The following RAP1GAP variants were observed in gnomAD, a reference collection of about 807,000 sequenced individuals.
RAP1GAP encodes the protein rap1 GTPase-activating protein 1.
RAP1GAP carries 35 observed loss-of-function variants against 87.2 expected under a neutral mutation model. The ratio of observed to expected loss-of-function variants is 0.40; its 90% CI spans 0.31 to 0.53. The LOEUF (loss-of-function observed/expected upper bound fraction) is 0.53, where lower values mean the gene tolerates loss of function less well. Among genes scored for constraint, RAP1GAP ranks in the 20% least tolerant of loss-of-function variants. The pLI is 0.48. For missense variants in RAP1GAP, 734 were observed against 898.9 expected, an observed-to-expected ratio of 0.82 and a Z score of 2.35; for synonymous variants, 375 against 363.9, an observed-to-expected ratio of 1.03 and a Z score of -0.35.
In RAP1GAP at chr1:21,668,398, G is replaced by A. The variant is rs1300321139; in HGVS notation, c.-149+856C>T. ...GGGGACAGAGGCCAATGAGCCCTGA[G>A]AACAGTGGATGTTCTTCCTGACCCC... On this transcript the variant is annotated intron_variant, in intron 1 of 24. Transcript: ENST00000374765. This position sits in a 1 kb window ranked among gnomAD's most constrained non-coding sequence, Gnocchi z 6.2. 3 of 152,524 alleles carry A rather than the reference G, an allele frequency of 2.0e-5. No homozygotes were observed. Among genetic ancestry groups the A allele is most frequent in the Admixed American group, 2.0e-4 (3 of 15,294 alleles). The allele number at this position is 152,524 out of a possible 1,614,324, so 9.4% of individuals were successfully genotyped here. A position where few individuals can be genotyped will look rare whatever the true frequency, so the allele number is the denominator to read the frequency against.
intron 7 of RAP1GAP, among the ~76,000 whole-genome samples, chr1:21,614,324 G>A (rs765892883): frequency 7.2e-5 from 11 of 152,198 alleles, no homozygotes; most frequent in Non-Finnish European, 1.3e-4. Flanking sequence ...TTCCTAGTCT[G>A]CCAAATAGGA....
Position 21,608,366 on chromosome 1 carries a change from G to C in RAP1GAP, c.1159-16C>G. On this transcript the variant is annotated splice_polypyrimidine_tract_variant and intron_variant, in intron 16 of 24. Coordinates refer to ENST00000374765, the MANE Select transcript of RAP1GAP (RefSeq NM_002885.4). ...GCGTCCGCTCCTGTGGGCCAGGCCC[G>C]GGCCGTCAGGAGGGACCCCAAGGAT... The C allele has an allele frequency of 6.2e-7, 1 of 1,609,856 alleles. No individual in the cohort carries two copies. Among genetic ancestry groups the C allele is most frequent in the Non-Finnish European group, 8.5e-7 (1 of 1,178,338 alleles).
chr1:21,615,537 G>A lies in RAP1GAP; in HGVS notation c.292-1448C>T, dbSNP rs992975083. Reference sequence around the variant, plus strand: ...CTCCTGAGTAGCTGGGATTACAGGCGCCCAGCACCACACCTGGCTAATTTT... The same window carrying A: ...CTCCTGAGTAGCTGGGATTACAGGCACCCAGCACCACACCTGGCTAATTTT... On this transcript the variant is annotated intron_variant, in intron 7 of 24. Transcript: ENST00000374765. This position sits in a 1 kb window ranked among gnomAD's most constrained non-coding sequence, Gnocchi z 4.5. 6.6e-6 allele frequency among the ~76,000 whole-genome samples: 1 copy of A among 152,042 alleles called. No homozygotes were observed. The highest frequency in any genetic ancestry group is 1.5e-5 in the Non-Finnish European group (1 of 68,006).
At chr1:21,617,621 T>C (rs932140995) in intron 6 of RAP1GAP, 130 bp from the exon 7 acceptor site, 4 of 1,117,530 alleles carry the variant, frequency 3.6e-6, no homozygotes, top group Non-Finnish European at 5.0e-6. Flanking sequence ...CCAGAGCCTG[T>C]GTGGGCCCCA....
chr1:21,655,097 G>A (rs1393782584), intron 1 of RAP1GAP, among the ~76,000 whole-genome samples: 3 of 147,952 alleles, frequency 2.0e-5, no homozygotes, highest in Non-Finnish European at 4.5e-5. Flanking sequence ...CCAACATCAG[G>A]CCACTGCATT....
chr1:21,614,492 G>A lies in RAP1GAP; in HGVS notation c.292-403C>T, dbSNP rs192404130. ...GTCTTCAGCCCTGGTCCTTCTCAGG[G>A]CTGGGCACCCAGCAGGTGCTCAATG... On this transcript the variant is annotated intron_variant, in intron 7 of 24. Coordinates refer to ENST00000374765, the MANE Select transcript of RAP1GAP (RefSeq NM_002885.4). 2.0e-3 allele frequency among the ~76,000 whole-genome samples: 310 copies of A among 152,278 alleles called. 1 individual carries two copies. Among genetic ancestry groups the A allele is most frequent in the African/African-American group, 6.4e-3 (264 of 41,554 alleles).
chr1:21,662,993 C>G (rs144577815), intron 1 of RAP1GAP, among the ~76,000 whole-genome samples: 22 of 152,320 alleles, frequency 1.4e-4, no homozygotes, highest in South Asian at 1.2e-3. Context: ...CCAGAATCTT[C>G]CTAGAATTCC....
intron 2 of RAP1GAP, among the ~76,000 whole-genome samples, chr1:21,643,985 C>T (rs551518051): frequency 1.3e-5 from 2 of 152,256 alleles, no homozygotes; most frequent in South Asian, 2.1e-4. Context: ...GACCTCAGGG[C>T]GGCAAGAGTC....
chr1:21,646,207 T>A (rs868431486), intron 2 of RAP1GAP, among the ~76,000 whole-genome samples: 24 of 152,298 alleles, frequency 1.6e-4, no homozygotes, highest in Middle Eastern at 3.4e-3. Context: ...TGGTACCAAT[T>A]CTGTCAAGAG....
intron 2 of RAP1GAP, among the ~76,000 whole-genome samples, chr1:21,648,164 T>C (rs1025522243): frequency 9.2e-5 from 14 of 152,238 alleles, no homozygotes; most frequent in Admixed American, 7.2e-4. Flanking sequence ...TCCTGGGGAA[T>C]GGCCGATCTT....
intron 4 of RAP1GAP, 106 bp from the exon 5 acceptor site, chr1:21,619,178 G>T: frequency 8.2e-7 from 1 of 1,221,888 alleles, no homozygotes; most frequent in African/African-American, 1.5e-5. Flanking sequence ...GGCCCGCGAA[G>T]GTAGGGGTAC....
intron 1 of RAP1GAP, among the ~76,000 whole-genome samples, chr1:21,661,481 T>G (rs1005077384): frequency 6.6e-6 from 1 of 152,214 alleles, no homozygotes; most frequent in African/African-American, 2.4e-5. Context: ...TATCATAATA[T>G]ACATAAGGCC....
At chr1:21,644,414 G>GAAC (rs1276067961) in intron 2 of RAP1GAP, among the ~76,000 whole-genome samples, 2 of 152,162 alleles carry the variant, frequency 1.3e-5, no homozygotes, top group East Asian at 1.9e-4. Flanking sequence ...AAGGGACCTT[G>GAAC]AACAGGTTAC....
In RAP1GAP at chr1:21,613,327, T is replaced by TTCCCAGCATG; in HGVS notation, c.475-99_475-98insCATGCTGGGA. On this transcript the variant is annotated intron_variant, in intron 9 of 24. Transcript: ENST00000374765. This position sits in a 1 kb window ranked among gnomAD's most constrained non-coding sequence, Gnocchi z 4.7. ...CTGGTCAAGGTCTGGGGAGGAGCCA[T>TTCCCAGCATG]GCTGGGAATGGCCAAGGCTAAAGCA... The TTCCCAGCATG allele has an allele frequency of 8.8e-7, 1 of 1,140,300 alleles. No homozygotes were observed. Among genetic ancestry groups the TTCCCAGCATG allele is most frequent in the Non-Finnish European group, 1.3e-6 (1 of 753,954 alleles). 70.6% of individuals were successfully genotyped at this position (1,140,300 alleles called of 1,614,324 possible).
chr1:21,604,080 G>A (rs368779916), intron 18 of RAP1GAP, among the ~76,000 whole-genome samples: 154 of 152,122 alleles, frequency 1.0e-3, no homozygotes, highest in Non-Finnish European at 1.7e-3. Flanking sequence ...AGATAGGGCC[G>A]GGGAAAGGAA....
intron 7 of RAP1GAP, among the ~76,000 whole-genome samples, chr1:21,616,182 CACACACACA>C (rs2082032106): frequency 1.1e-5 from 1 of 93,910 alleles, no homozygotes; most frequent in Non-Finnish European, 2.2e-5. Context: ...CACACACACA[CACACACACA>C]TACAATGACT....
intron 2 of RAP1GAP, among the ~76,000 whole-genome samples, chr1:21,645,075 T>C (rs1399614139): frequency 1.3e-5 from 2 of 152,178 alleles, no homozygotes; most frequent in Non-Finnish European, 2.9e-5. Context: ...TCTCTGAGTA[T>C]AGCGGCTAGG....
intron 7 of RAP1GAP, 137 bp downstream of exon 7, chr1:21,617,168 TG>T: frequency 1.1e-6 from 1 of 949,810 alleles, no homozygotes; most frequent in Non-Finnish European, 1.5e-6. Flanking sequence ...GTGTGTGTGG[TG>T]GGAGCACATT....
intron 2 of RAP1GAP, among the ~76,000 whole-genome samples, chr1:21,645,882 G>A (rs2096005843): frequency 6.6e-6 from 1 of 152,188 alleles, no homozygotes; most frequent in African/African-American, 2.4e-5. Context: ...CTGCCATAAG[G>A]AGCCACCTGA....
Sources: allele counts gnomAD v4.1 joint callset (sites outside exome capture counted in the v4.1 genomes callset), GRCh38; gene constraint gnomAD v4.1.1; non-coding constraint Gnocchi (gnomAD v3.1); transcripts MANE v1.5; gene names NCBI Gene and HGNC (gene_info 2026-07-23, HGNC 2026-07-21).